Variants in VPS54 observed in about 807,000 individuals in gnomAD.
The protein encoded by VPS54 is vacuolar protein sorting-associated protein 54.
In VPS54, 45 loss-of-function variants were observed where a neutral mutation model predicts 121.5. The ratio of observed to expected loss-of-function variants is 0.37; its 90% CI spans 0.29 to 0.47. The LOEUF is 0.47. Among genes scored for constraint, VPS54 ranks in the 20% least tolerant of loss-of-function variants. VPS54 has a pLI of 0.99. For missense variants in VPS54, 1,090 were observed against 1,131.4 expected (o/e 0.96, Z 0.52); for synonymous variants, 371 against 385.8 (o/e 0.96, Z 0.45).
At position 63,930,418 on chromosome 2, in the gene VPS54, G is replaced by A. The variant is rs1674134682; in HGVS notation, c.1739+3255C>T. Among the ~76,000 whole-genome samples the A allele has an allele frequency of 2.0e-5, 3 of 152,222 alleles. No homozygotes were observed. In the South Asian group the frequency reaches 6.2e-4, roughly 32 times the overall value. On this transcript the variant is annotated intron_variant, in intron 12 of 22. Transcript: ENST00000272322. ...GCAGAACCAATGACAAAAACCACATGATTATCTCAATAGATGCAGAAAAGG... is the reference window on the plus strand; with the variant it reads ...GCAGAACCAATGACAAAAACCACATAATTATCTCAATAGATGCAGAAAAGG...
chr2:63,910,014 C>T (rs1673079656), intron 20 of VPS54, among the ~76,000 whole-genome samples: 1 of 152,144 alleles, frequency 6.6e-6, no homozygotes, highest in Non-Finnish European at 1.5e-5. Context: ...AGGCTTGAGC[C>T]ACCGTGCCTG....
At chr2:63,931,670 G>C (rs192109392) in intron 12 of VPS54, among the ~76,000 whole-genome samples, 179 of 152,140 alleles carry the variant, frequency 1.2e-3, no homozygotes, top group Non-Finnish European at 1.5e-3. Context: ...CTAATTAAAC[G>C]GAAGAGCTTC....
rs372506185 is a variant in VPS54 at position 63,991,650 on chromosome 2, A to G, written c.-20-7631T>C. Among the ~76,000 whole-genome samples the G allele has an allele frequency of 5.9e-5, 9 of 152,334 alleles. No homozygotes were observed. In the East Asian group the frequency reaches 1.7e-3, roughly 29 times the overall value. On this transcript the variant is annotated intron_variant, in intron 1 of 22. Transcript: ENST00000272322. ...TTGCTCACGTCGTCGCAAGGTAAAC[A>G]TTGGGCAAGTACTTGCCACTCTAAG... is the stretch of plus-strand genomic sequence containing the variant.
In VPS54 at chr2:63,965,877, T is replaced by C. The variant is rs1675970473; in HGVS notation, c.582A>G (p.Lys194=). 1.9e-6 allele frequency: 3 copies of C among 1,612,498 alleles called. No homozygotes were observed. In the African/African-American group the frequency reaches 4.0e-5, roughly 22 times the overall value. ...PWSHFNTAGG[K]GNRDAASSKL... is the part of the protein sequence containing the mutation. ...TTGAGGAAGCTGCATCACGATTTCC[T>C]TTTCCACCAGCAGTATTAAAATGAG... The change falls in exon 6 of 23, where the codon AAA becomes AAG. Residue 194 remains lysine, a synonymous_variant. Coordinates refer to ENST00000272322, the MANE Select transcript of VPS54 (RefSeq NM_016516.3).
At chr2:63,959,646 C>T (rs149111786) in intron 7 of VPS54, among the ~76,000 whole-genome samples, 41 of 152,148 alleles carry the variant, frequency 2.7e-4, no homozygotes, top group South Asian at 1.0e-3. Flanking sequence ...CAGCACTCTG[C>T]GGAGCCGAGG....
intron 1 of VPS54, among the ~76,000 whole-genome samples, chr2:64,015,205 C>A (rs1477219292): frequency 6.6e-6 from 1 of 151,692 alleles, no homozygotes; most frequent in Non-Finnish European, 1.5e-5. Context: ...AATAACAATT[C>A]AAAACAATAG....
chr2:63,960,092 G>GA (rs1208253452), intron 7 of VPS54, among the ~76,000 whole-genome samples: 1 of 151,772 alleles, frequency 6.6e-6, no homozygotes, highest in Non-Finnish European at 1.5e-5. Context: ...ATCTACTCAG[G>GA]AGGCTGAGGT....
At chr2:63,923,028 TG>T (rs1306046513) in intron 12 of VPS54, among the ~76,000 whole-genome samples, 3 of 152,076 alleles carry the variant, frequency 2.0e-5, no homozygotes, top group Non-Finnish European at 4.4e-5. Flanking sequence ...AAAGATTTTT[TG>T]GGGCTGGGGC....
intron 20 of VPS54, among the ~76,000 whole-genome samples, chr2:63,903,870 C>T (rs1672790994): frequency 6.6e-6 from 1 of 151,866 alleles, no homozygotes; most frequent in Non-Finnish European, 1.5e-5. Context: ...AAACAGAAGA[C>T]AGCTAGCAAG....
intron 22 of VPS54, among the ~76,000 whole-genome samples, chr2:63,895,110 C>G (rs1198594148): frequency 6.6e-6 from 1 of 151,048 alleles, no homozygotes; most frequent in Non-Finnish European, 1.5e-5. Flanking sequence ...TTATTATTCT[C>G]TGTATGTGTC....
chr2:63,955,165 A>C (rs538138681), intron 7 of VPS54, among the ~76,000 whole-genome samples: 1 of 152,190 alleles, frequency 6.6e-6, no homozygotes, highest in South Asian at 2.1e-4. Context: ...AGATAAAACA[A>C]ACTTTGCTTT....
intron 1 of VPS54, among the ~76,000 whole-genome samples, chr2:63,986,612 T>C (rs896387013): frequency 2.0e-5 from 3 of 152,222 alleles, no homozygotes; most frequent in African/African-American, 2.4e-5. Flanking sequence ...TGTATATTCT[T>C]AGGAGTGGGA....
In VPS54 at chr2:63,987,772, TTCTAGCTGTTGTAAA is replaced by T. The variant is rs1176302184; in HGVS notation, c.-20-3768_-20-3754del. On this transcript the variant is annotated intron_variant, in intron 1 of 22. Coordinates refer to ENST00000272322, the MANE Select transcript of VPS54 (RefSeq NM_016516.3). Reference sequence around the variant, plus strand: ...TTTGGTTAACTCCCAGGTATTTTATTTCTAGCTGTTGTAAATCTAGCTGTTGTTACTTTCTTGATT... The same window carrying T: ...TTTGGTTAACTCCCAGGTATTTTATTTCTAGCTGTTGTTACTTTCTTGATT... Among the ~76,000 whole-genome samples the T allele has an allele frequency of 1.8e-4, 28 of 152,326 alleles. No individual in the cohort carries two copies. The East Asian group carries it at 3.7e-3, about 20-fold the overall frequency.
In VPS54 at chr2:63,892,724, A is replaced by T. The variant is rs1290305356; in HGVS notation, c.*706T>A. ...GTATTTAGTTGCATAAATAGATGCC[A>T]GGATCTTTTTTTTTAAGTATTAATT... On this transcript the variant is annotated 3_prime_UTR_variant, in exon 23 of 23. Coordinates refer to ENST00000272322, the MANE Select transcript of VPS54 (RefSeq NM_016516.3). The T allele has an allele frequency of 1.6e-5, 1 of 63,384 alleles. No homozygotes were observed. Among genetic ancestry groups the T allele is most frequent in the Admixed American group, 1.3e-4 (1 of 7,690 alleles). 3.9% of individuals were successfully genotyped at this position (63,384 alleles called of 1,614,324 possible).
At chr2:64,009,816 A>G (rs1678343408) in intron 1 of VPS54, among the ~76,000 whole-genome samples, 1 of 151,310 alleles carries the variant, frequency 6.6e-6, no homozygotes, top group African/African-American at 2.4e-5. Context: ...CATTTCAACA[A>G]CAACAACTTC....
At chr2:64,017,738 ATTC>A (rs1240963962) in intron 1 of VPS54, among the ~76,000 whole-genome samples, 1 of 152,250 alleles carries the variant, frequency 6.6e-6, no homozygotes, top group Non-Finnish European at 1.5e-5. Flanking sequence ...TAGTGTAATA[ATTC>A]TTAAGTTATC....
intron 15 of VPS54, among the ~76,000 whole-genome samples, chr2:63,918,720 C>G (rs1336363936): frequency 2.6e-5 from 4 of 151,980 alleles, no homozygotes; most frequent in Admixed American, 2.6e-4. Context: ...TTCTCTTAAA[C>G]TCTAGATTCG....
intron 12 of VPS54, among the ~76,000 whole-genome samples, chr2:63,929,261 C>T (rs1268625010): frequency 6.6e-6 from 1 of 151,982 alleles, no homozygotes; most frequent in Non-Finnish European, 1.5e-5. Context: ...CCACATAACT[C>T]GAACTAAAGC....
chr2:63,936,342 G>A (rs1357080500), intron 11 of VPS54, among the ~76,000 whole-genome samples: 1 of 147,750 alleles, frequency 6.8e-6, no homozygotes, highest in East Asian at 1.9e-4. Flanking sequence ...CAAAAAATAA[G>A]ATTTTAAAAT....
Sources: allele counts gnomAD v4.1 joint callset (sites outside exome capture counted in the v4.1 genomes callset), GRCh38; gene constraint gnomAD v4.1.1; transcripts MANE v1.5; gene names NCBI Gene and HGNC (gene_info 2026-07-23, HGNC 2026-07-21).